The following ITPR1 variants were observed in gnomAD, a reference collection of about 807,000 sequenced individuals.
The protein encoded by ITPR1 is inositol 1,4,5-trisphosphate-gated calcium channel ITPR1.
In ITPR1, 96 loss-of-function variants were observed where a neutral mutation model predicts 318.4. The observed-to-expected ratio is 0.30, with a 90% CI of 0.26 to 0.36. The LOEUF is 0.36. ITPR1 is among the 10% of genes least tolerant of loss of function. The probability of loss-of-function intolerance (pLI) is 1.00; values close to 1 mark genes in which losing one functional copy is unlikely to be tolerated. For missense variants in ITPR1, 2,440 were observed against 3,460.2 expected, an observed-to-expected ratio of 0.71 and a Z score of 7.40; for synonymous variants, 1,312 against 1,289.9, an observed-to-expected ratio of 1.02 and a Z score of -0.37.
At chr3:4,712,033 G>C (rs908521750) in intron 39 of ITPR1, among the ~76,000 whole-genome samples, 165 bp downstream of exon 39, 9 of 152,156 alleles carry the variant, frequency 5.9e-5, no homozygotes, top group Non-Finnish European at 1.0e-4. Context: ...GTTAAAGGGA[G>C]CTAAATCATA....
intron 4 of ITPR1, among the ~76,000 whole-genome samples, chr3:4,605,067 G>A (rs571244217): frequency 1.3e-5 from 2 of 152,168 alleles, no homozygotes; most frequent in South Asian, 4.2e-4. Context: ...CGCCTCCCAG[G>A]CTCAAGCAAT....
At chr3:4,822,417 CTG>C (rs2049787775) in intron 60 of ITPR1, among the ~76,000 whole-genome samples, 1 of 152,220 alleles carries the variant, frequency 6.6e-6, no homozygotes, top group Admixed American at 6.5e-5. Context: ...TGGAAAATCC[CTG>C]TGTCTTTCTC....
intron 2 of ITPR1, among the ~76,000 whole-genome samples, chr3:4,496,862 A>C (rs552486067): frequency 6.6e-6 from 1 of 152,244 alleles, no homozygotes; most frequent in African/African-American, 2.4e-5. Context: ...TAAAACAAAC[A>C]CCAAATATGA....
chr3:4,705,024 T>C (rs1001444500), intron 36 of ITPR1, among the ~76,000 whole-genome samples: 1 of 151,948 alleles, frequency 6.6e-6, no homozygotes, highest in African/African-American at 2.4e-5. Flanking sequence ...TTCCGCTAAA[T>C]TGTGTGTGTG....
chr3:4,683,475 C>T lies in ITPR1; in HGVS notation c.3251C>T (p.Pro1084Leu), dbSNP rs1467772045. The change falls in exon 27 of 62, where the codon CCC (proline) becomes CTC (leucine). Residue 1084 changes from proline (P) to leucine (L), a missense_variant. Physicochemically the swap from Pro to Leu is moderately conservative, Grantham distance 98 (BLOSUM62 -3). Around this residue, in one of 23 missense-constraint regions of ITPR1, gnomAD observed 76 missense variants for 132.2 expected, o/e 0.58. Transcript: ENST00000649015. ...LLHLTMHDYPPLVSGALQLLF... is the reference protein window; with the variant it reads ...LLHLTMHDYPLLVSGALQLLF... ...CACTTGACGATGCATGACTACCCAC[C>T]CCTGGTGTCAGGGGCCCTGCAGCTC... 7 of 1,613,944 alleles carry T rather than the reference C, an allele frequency of 4.3e-6. No homozygotes were observed. In the African/African-American group the frequency reaches 6.7e-5, roughly 15 times the overall value.
intron 6 of ITPR1, among the ~76,000 whole-genome samples, chr3:4,640,403 T>G (rs771832048): frequency 2.7e-5 from 4 of 150,856 alleles, no homozygotes; most frequent in Non-Finnish European, 5.9e-5. Context: ...GCTTGAAGAT[T>G]AGATCCTGCC....
At chr3:4,629,155 G>T (rs1219912209) in intron 5 of ITPR1, among the ~76,000 whole-genome samples, 1 of 152,196 alleles carries the variant, frequency 6.6e-6, no homozygotes, top group African/African-American at 2.4e-5. Context: ...TGCCCCCACA[G>T]AGGCTTCTTA....
At chr3:4,595,896 C>T (rs548659646) in intron 4 of ITPR1, among the ~76,000 whole-genome samples, 4 of 151,988 alleles carry the variant, frequency 2.6e-5, no homozygotes, top group Non-Finnish European at 1.5e-5. Context: ...GCTCTCATGT[C>T]GTAGATGAAG....
intron 44 of ITPR1, among the ~76,000 whole-genome samples, chr3:4,743,897 C>T (rs919450208): frequency 7.9e-5 from 12 of 152,276 alleles, no homozygotes; most frequent in East Asian, 5.8e-4. Flanking sequence ...TGCAGTGGCG[C>T]GATCTCAGCT....
chr3:4,519,035 C>A (rs927912661), intron 3 of ITPR1, among the ~76,000 whole-genome samples: 10 of 152,132 alleles, frequency 6.6e-5, no homozygotes, highest in African/African-American at 1.4e-4. Context: ...TGATGAACAT[C>A]CCCCTCGTTA....
intron 4 of ITPR1, among the ~76,000 whole-genome samples, chr3:4,566,116 G>A (rs1270260402): frequency 1.3e-5 from 2 of 152,144 alleles, no homozygotes; most frequent in African/African-American, 2.4e-5. Context: ...GAGATGGAGA[G>A]GAGATCTATA....
At chr3:4,681,626 T>TATGTGTGTGTGG (rs2094302382) in intron 26 of ITPR1, among the ~76,000 whole-genome samples, 1 of 111,152 alleles carries the variant, frequency 9.0e-6, no homozygotes, top group Non-Finnish European at 1.7e-5. Context: ...AGAGAGAAAG[T>TATGTGTGTGTGG]GTGTGTGTGT....
chr3:4,546,092 A>G (rs537598523), intron 4 of ITPR1, among the ~76,000 whole-genome samples: 1 of 152,294 alleles, frequency 6.6e-6, no homozygotes, highest in South Asian at 2.1e-4. Context: ...GAGATATGCA[A>G]TGCTCTTGAG....
intron 32 of ITPR1, among the ~76,000 whole-genome samples, chr3:4,693,035 G>T (rs546189139): frequency 6.6e-5 from 10 of 152,300 alleles, no homozygotes; most frequent in Admixed American, 6.5e-4. Flanking sequence ...CAGGAGAATC[G>T]CTTGAACCAA....
chr3:4,746,673 G>T (rs1238721341), intron 44 of ITPR1, among the ~76,000 whole-genome samples: 1 of 152,230 alleles, frequency 6.6e-6, no homozygotes, highest in African/African-American at 2.4e-5. Flanking sequence ...GCCTCCACAC[G>T]TGCTGGATGA....
intron 2 of ITPR1, among the ~76,000 whole-genome samples, chr3:4,500,246 C>T (rs568808736): frequency 2.0e-5 from 3 of 152,224 alleles, no homozygotes; most frequent in African/African-American, 7.2e-5. Flanking sequence ...GCTGCCCAGG[C>T]TGGAGTGCAG....
At chr3:4,663,392 G>A (rs185679894) in intron 16 of ITPR1, among the ~76,000 whole-genome samples, 186 bp downstream of exon 16, 8 of 152,232 alleles carry the variant, frequency 5.3e-5, no homozygotes, top group Admixed American at 5.2e-4. Flanking sequence ...CAGAGAGAGA[G>A]CCTGTCTCAA....
intron 39 of ITPR1, among the ~76,000 whole-genome samples, chr3:4,714,042 A>C (rs1277092981): frequency 6.6e-6 from 1 of 152,324 alleles, no homozygotes; most frequent in East Asian, 1.9e-4. Context: ...GAAGGAGAAC[A>C]AGGGACACTA....
At chr3:4,802,927 C>G (rs2048331509) in intron 54 of ITPR1, among the ~76,000 whole-genome samples, 1 of 152,064 alleles carries the variant, frequency 6.6e-6, no homozygotes, top group African/African-American at 2.4e-5. Flanking sequence ...TTACCCCACC[C>G]AGAAAGCAAT....
Sources: allele counts gnomAD v4.1 joint callset (sites outside exome capture counted in the v4.1 genomes callset), GRCh38; gene constraint gnomAD v4.1.1; regional missense constraint gnomAD v4.1.1; transcripts MANE v1.5; gene names NCBI Gene and HGNC (gene_info 2026-07-23, HGNC 2026-07-21).